The following PPWD1 variants were observed in gnomAD, a reference collection of about 807,000 sequenced individuals.
The protein encoded by PPWD1 is peptidylprolyl isomerase domain and WD repeat containing 1, also known as peptidylprolyl isomerase domain and WD repeat-containing protein 1.
PPWD1 carries 43 observed loss-of-function variants against 68.8 expected under a neutral mutation model. The observed-to-expected ratio is 0.62, with a 90% CI of 0.49 to 0.81. The LOEUF (loss-of-function observed/expected upper bound fraction) is 0.81, where lower values mean the gene tolerates loss of function less well. Ranked by LOEUF, PPWD1 falls within the 30% of genes least tolerant of loss-of-function variation. The pLI, the probability that PPWD1 is intolerant of heterozygous loss-of-function variation, is 0.00. For synonymous variants in PPWD1, 232 were observed against 258.7 expected (o/e 0.90, Z 0.99); for missense variants, 672 against 804.8 (o/e 0.83, Z 2.00).
chr5:65,573,212 G>A (rs564972858), intron 5 of PPWD1, among the ~76,000 whole-genome samples: 45 of 151,760 alleles, frequency 3.0e-4, no homozygotes, highest in South Asian at 2.7e-3. Flanking sequence ...TATTGAACTG[G>A]TACTTCAAAT....
chr5:65,581,182 T>G (rs1753578705), intron 7 of PPWD1, among the ~76,000 whole-genome samples: 1 of 152,208 alleles, frequency 6.6e-6, no homozygotes, highest in African/African-American at 2.4e-5. Flanking sequence ...GATGAGAATT[T>G]CATTTACACC....
At position 65,569,712 on chromosome 5, in the gene PPWD1, A is replaced by G. The variant is rs1003227009; in HGVS notation, c.380A>G (p.Lys127Arg). Residue 127 changes from lysine to arginine, a missense_variant, in exon 3 of 11, where the codon AAA becomes AGA. By Grantham distance (26) the Lys-to-Arg change is conservative. Coordinates refer to ENST00000261308, the MANE Select transcript of PPWD1 (RefSeq NM_015342.4). ...ATAGAAGAGGGAATTGAATTTGTTA[A>G]ACATTTTCGTAGTCACCTGGGTAAG... ...KKIEEGIEFVKHFRSHLGVIE... is the reference protein window; with the variant it reads ...KKIEEGIEFVRHFRSHLGVIE... 4 of 1,610,182 alleles carry G rather than the reference A, an allele frequency of 2.5e-6. No homozygotes were observed. The highest frequency in any genetic ancestry group is 2.5e-6 in the Non-Finnish European group (3 of 1,177,710).
chr5:65,567,422 G>A lies in PPWD1; in HGVS notation c.197-91G>A, dbSNP rs1002000889. 10 of 1,383,792 alleles carry A rather than the reference G, an allele frequency of 7.2e-6. No individual in the cohort carries two copies. In the African/African-American group the frequency reaches 1.3e-4, roughly 18 times the overall value. The allele number at this position is 1,383,792 out of a possible 1,614,324, so 85.7% of individuals were successfully genotyped here. A position where few individuals can be genotyped will look rare whatever the true frequency, so the allele number is the denominator to read the frequency against. ...AAAATCCAGGAGAAAATACCAAGTAGAGTGTAGACAATTTTAAATAAAGAA... is the reference window on the plus strand; with the variant it reads ...AAAATCCAGGAGAAAATACCAAGTAAAGTGTAGACAATTTTAAATAAAGAA... On this transcript the variant is annotated intron_variant, in intron 1 of 10. Transcript: ENST00000261308.
intron 3 of PPWD1, 31 bp downstream of exon 3, chr5:65,569,763 C>G: frequency 6.3e-7 from 1 of 1,585,766 alleles, no homozygotes; most frequent in Non-Finnish European, 8.6e-7. Context: ...TCTTGTAGCT[C>G]TTTCCTAAAC....
chr5:65,568,865 G>C (rs570870496), intron 2 of PPWD1: 1 of 454,510 alleles, frequency 2.2e-6, no homozygotes, highest in African/African-American at 2.0e-5. Flanking sequence ...ATACATATTA[G>C]CATTGCTGTC....
At chr5:65,583,398 T>C (rs928756860) in intron 8 of PPWD1, 179 bp downstream of exon 8, 1 of 587,846 alleles carries the variant, frequency 1.7e-6, no homozygotes, top group African/African-American at 1.9e-5. Context: ...AAATGGGAAA[T>C]TTTTATGCAT....
At chr5:65,573,530 T>TG (rs1753128015) in intron 5 of PPWD1, among the ~76,000 whole-genome samples, 1 of 51,436 alleles carries the variant, frequency 1.9e-5, no homozygotes, top group Non-Finnish European at 3.7e-5. Context: ...TTTTTTTTTT[T>TG]TTTTTTTTTT....
intron 1 of PPWD1, among the ~76,000 whole-genome samples, chr5:65,566,743 CTCCCTCCCTTCGTCTTTCTT>C (rs1197660180): frequency 1.3e-5 from 2 of 151,608 alleles, no homozygotes; most frequent in African/African-American, 4.9e-5. Context: ...TCTTCTCTCC[CTCCCTCCCTTCGTCTTTCTT>C]TCCCTCCCTT....
chr5:65,573,680 G>A (rs1315345602), intron 5 of PPWD1, among the ~76,000 whole-genome samples: 1 of 150,140 alleles, frequency 6.7e-6, no homozygotes, highest in Non-Finnish European at 1.5e-5. Flanking sequence ...AGCCAGCAGA[G>A]TTTTTTTTAA....
At chr5:65,573,476 T>TATATATAA (rs201295161) in intron 5 of PPWD1, among the ~76,000 whole-genome samples, 1 of 59,670 alleles carries the variant, frequency 1.7e-5, no homozygotes, top group African/African-American at 6.4e-5. Flanking sequence ...TATATATATA[T>TATATATAA]TTTTTTTTTA....
intron 7 of PPWD1, among the ~76,000 whole-genome samples, chr5:65,580,670 T>G (rs1360739255): frequency 6.6e-6 from 1 of 152,116 alleles, no homozygotes; most frequent in Non-Finnish European, 1.5e-5. Context: ...CATGCCACCA[T>G]ACCCAGCTAA....
rs374067564 is a variant in PPWD1 at position 65,577,070 on chromosome 5, G to A, written c.1160+1G>A. ...AAGTTATAAATGTAGAGACAAACCG[G>A]TAAGCTTTAATATGAGGTATGTTTT... On this transcript the variant is annotated splice_donor_variant, in intron 6 of 10. Transcript: ENST00000261308. LOFTEE classifies it high-confidence loss of function. 1 of 1,608,874 alleles carries A rather than the reference G, an allele frequency of 6.2e-7. No individual in the cohort carries two copies. Among genetic ancestry groups the A allele is most frequent in the Non-Finnish European group, 8.5e-7 (1 of 1,176,478 alleles).
At chr5:65,563,911 G>C in intron 1 of PPWD1, 1 of 1,361,398 alleles carries the variant, frequency 7.3e-7, no homozygotes, top group Non-Finnish European at 1.0e-6. Context: ...ATGTGTTGGG[G>C]CGCGAGAGGA....
chr5:65,585,855 T>A, intron 9 of PPWD1, 144 bp from the exon 10 acceptor site: 2 of 1,260,290 alleles, frequency 1.6e-6, no homozygotes, highest in South Asian at 3.8e-5. Context: ...TCATCCAAAT[T>A]TAAGTGTTAA....
chr5:65,573,310 A>T (rs1753098599), intron 5 of PPWD1, among the ~76,000 whole-genome samples: 1 of 148,494 alleles, frequency 6.7e-6, no homozygotes, highest in African/African-American at 2.5e-5. Context: ...TTATTTATTT[A>T]ATTAATTTAT....
chr5:65,582,076 G>A (rs37339), intron 7 of PPWD1, among the ~76,000 whole-genome samples: 94,248 of 151,898 alleles, frequency 0.62, 29,503 homozygotes, highest in South Asian at 0.65. Context: ...AGAATAGGAT[G>A]TTAAGGTGAT....
chr5:65,563,365 C>G lies in PPWD1; in HGVS notation c.55C>G (p.Pro19Ala), dbSNP rs1471663187. 1 of 1,614,056 alleles carries G rather than the reference C, an allele frequency of 6.2e-7. No homozygotes were observed. The highest frequency in any genetic ancestry group is 1.7e-5 in the Admixed American group (1 of 60,010). ...FQQRRRRRRD[P>A]EEPEKTELSE... ...GCAGAGACGTAGAAGGCGCCGGGAC[C>G]CGGAGGAACCGGAAAAAACAGAACT... Residue 19 changes from proline to alanine, a missense_variant, in exon 1 of 11, where the codon CCG becomes GCG. Around this residue, in one of 2 missense-constraint regions of PPWD1, gnomAD observed 188 missense variants for 158.6 expected, o/e 1.19. Coordinates refer to ENST00000261308, the MANE Select transcript of PPWD1 (RefSeq NM_015342.4).
chr5:65,586,850 C>T (rs925301599), intron 10 of PPWD1, among the ~76,000 whole-genome samples: 5 of 152,130 alleles, frequency 3.3e-5, no homozygotes, highest in Admixed American at 3.3e-4. Flanking sequence ...AGCATTTGAA[C>T]TCCCACCTGT....
chr5:65,573,680 GT>G (rs1037975638), intron 5 of PPWD1, among the ~76,000 whole-genome samples: 2 of 150,244 alleles, frequency 1.3e-5, no homozygotes, highest in Non-Finnish European at 3.0e-5. Context: ...AGCCAGCAGA[GT>G]TTTTTTTAAT....
Sources: gnomAD v4.1 joint callset for allele counts (sites outside exome capture counted in the v4.1 genomes callset) on GRCh38, gnomAD v4.1.1 for gene constraint, gnomAD v4.1.1 regional missense constraint, MANE v1.5 for transcripts, NCBI Gene and HGNC (gene_info 2026-07-23, HGNC 2026-07-21) for gene names.